ELF2: variants seen among roughly 807,000 people sequenced by gnomAD.
ELF2 encodes ETS-related transcription factor Elf-2.
Under a neutral mutation model 54.8 loss-of-function variants are expected in ELF2, and 11 were observed. The observed-to-expected ratio is 0.20, with a 90% CI of 0.13 to 0.33. The LOEUF is 0.33. Ranked by LOEUF, ELF2 falls within the 10% of genes least tolerant of loss-of-function variation. The pLI is 1.00. For synonymous variants in ELF2, 203 were observed against 245.1 expected, an observed-to-expected ratio of 0.83 and a Z score of 1.61; for missense variants, 513 against 703.0, an observed-to-expected ratio of 0.73 and a Z score of 3.06.
chr4:139,083,871 C>T (rs1003928520), intron 4 of ELF2, among the ~76,000 whole-genome samples: 6 of 152,226 alleles, frequency 3.9e-5, no homozygotes, highest in African/African-American at 1.2e-4. Flanking sequence ...AGCGCTCAGC[C>T]CGGCAGCTGC....
rs570902537 is a variant in ELF2 at position 139,153,343 on chromosome 4, G to GA, written c.-251-13847dup. Among the ~76,000 whole-genome samples the GA allele has an allele frequency of 2.8e-3, 419 of 152,242 alleles. 1 individual carries two copies. The highest frequency in any genetic ancestry group is 9.8e-3 in the African/African-American group (408 of 41,556). ...CCAGCTACTCAGGAGGCTGAGGTGGGAGGATCGCTTGAGCCTGGGAGGCAG... is the reference window on the plus strand; with the variant it reads ...CCAGCTACTCAGGAGGCTGAGGTGGGAAGGATCGCTTGAGCCTGGGAGGCAG... On this transcript the variant is annotated intron_variant, in intron 1 of 9. Coordinates refer to ENST00000686138, the MANE Select transcript of ELF2 (RefSeq NM_001331036.3).
intron 4 of ELF2, chr4:139,084,004 G>A: frequency 1.4e-6 from 2 of 1,476,814 alleles, no homozygotes; most frequent in African/African-American, 1.4e-5. Flanking sequence ...CTTTCCCCCA[G>A]CCGCCCCAGT....
intron 5 of ELF2, among the ~76,000 whole-genome samples, chr4:139,073,212 G>A (rs1156449552): frequency 6.6e-6 from 1 of 152,082 alleles, no homozygotes; most frequent in Non-Finnish European, 1.5e-5. Context: ...AGTACAAATA[G>A]CTATTTAATA....
At chr4:139,073,316 T>C in intron 5 of ELF2, 138 bp downstream of exon 5, 1 of 455,544 alleles carries the variant, frequency 2.2e-6, no homozygotes, top group Non-Finnish European at 3.9e-6. Flanking sequence ...AAAGTTCAAT[T>C]ACTGCTGTCA....
intron 4 of ELF2, among the ~76,000 whole-genome samples, chr4:139,106,401 T>C (rs1389151479): frequency 1.3e-5 from 2 of 152,252 alleles, no homozygotes; most frequent in East Asian, 1.9e-4. Context: ...AAAAGGTAGA[T>C]GACAGTTAAA....
At chr4:139,159,317 A>G (rs1416480371) in intron 1 of ELF2, among the ~76,000 whole-genome samples, 38 of 152,230 alleles carry the variant, frequency 2.5e-4, no homozygotes, top group Admixed American at 2.5e-3. Context: ...AAAGGAAATG[A>G]GACGTTTTAA....
intron 1 of ELF2, among the ~76,000 whole-genome samples, chr4:139,144,901 A>C (rs1739076846): frequency 6.6e-6 from 1 of 152,114 alleles, no homozygotes; most frequent in Non-Finnish European, 1.5e-5. Flanking sequence ...TTGACCCTCC[A>C]CCTGCCCTGG....
chr4:139,090,292 A>AG (rs1369184598), intron 4 of ELF2, among the ~76,000 whole-genome samples: 6 of 152,178 alleles, frequency 3.9e-5, no homozygotes, highest in African/African-American at 1.4e-4. Flanking sequence ...GTGGTTTGGC[A>AG]GAGTTACGAT....
At chr4:139,070,007 AT>A (rs1189587446) in intron 6 of ELF2, among the ~76,000 whole-genome samples, 26 of 146,364 alleles carry the variant, frequency 1.8e-4, no homozygotes, top group Non-Finnish European at 1.5e-4. Flanking sequence ...TACCTGGCTA[AT>A]TTTTTTTTTT....
At chr4:139,170,309 G>T (rs1349217582) in intron 1 of ELF2, among the ~76,000 whole-genome samples, 1 of 129,694 alleles carries the variant, frequency 7.7e-6, no homozygotes, top group Admixed American at 9.6e-5. Flanking sequence ...CTGTTGCCCA[G>T]GCTGGAGTGC....
chr4:139,111,478 C>A (rs1317314015), intron 4 of ELF2, among the ~76,000 whole-genome samples: 2 of 151,520 alleles, frequency 1.3e-5, no homozygotes, highest in Admixed American at 1.3e-4. Flanking sequence ...CAGGTCCATG[C>A]CACCATACCA....
Position 139,176,975 on chromosome 4 carries a change from C to G in ELF2, c.-260G>C, listed in dbSNP as rs952581094. On this transcript the variant is annotated 5_prime_UTR_variant, in exon 1 of 10. Coordinates refer to ENST00000686138, the MANE Select transcript of ELF2 (RefSeq NM_001331036.3). ...GCTGCCCGCGCTCTTACCTGCTCTCCGCGACGCCTGGGAAGACCGCGGCGT... is the reference window on the plus strand; with the variant it reads ...GCTGCCCGCGCTCTTACCTGCTCTCGGCGACGCCTGGGAAGACCGCGGCGT... 5.9e-5 allele frequency: 9 copies of G among 152,240 alleles called. No homozygotes were observed. Among genetic ancestry groups the G allele is most frequent in the Non-Finnish European group, 1.0e-4 (7 of 68,066 alleles). The allele number at this position is 152,240 out of a possible 1,614,324, so 9.4% of individuals were successfully genotyped here. A position where few individuals can be genotyped will look rare whatever the true frequency, so the allele number is the denominator to read the frequency against.
rs1300835873 is a variant in ELF2, at chr4:139,059,343, T to G, written c.1422A>C (p.Thr474=). The G allele has an allele frequency of 6.2e-7, 1 of 1,614,008 alleles. No homozygotes were observed. Among genetic ancestry groups the G allele is most frequent in the Non-Finnish European group, 8.5e-7 (1 of 1,179,872 alleles). The change falls in exon 10 of 10, where the codon ACA becomes ACC. Residue 474 remains threonine (T), a synonymous_variant. Transcript: ENST00000686138. ...TTCCTGATCCAGTCAGATTTGACTTTGTCTGCAGTTGACACTGTGCAAGCT... is the reference window on the plus strand; with the variant it reads ...TTCCTGATCCAGTCAGATTTGACTTGGTCTGCAGTTGACACTGTGCAAGCT... ...ATQLAQCQLQ[T]KSNLTGSGSI... is the part of the protein sequence containing the mutation.
intron 1 of ELF2, among the ~76,000 whole-genome samples, chr4:139,165,493 T>C (rs1373809681): frequency 6.6e-6 from 1 of 151,870 alleles, no homozygotes; most frequent in Non-Finnish European, 1.5e-5. Context: ...AGAAACCCCA[T>C]CTCTACTTAA....
At chr4:139,166,026 A>T (rs1741683592) in intron 1 of ELF2, among the ~76,000 whole-genome samples, 2 of 152,220 alleles carry the variant, frequency 1.3e-5, no homozygotes, top group Non-Finnish European at 2.9e-5. Flanking sequence ...AATCTTCATC[A>T]TTCACAGTTT....
intron 3 of ELF2, among the ~76,000 whole-genome samples, chr4:139,126,693 T>C (rs1373854676): frequency 6.6e-6 from 1 of 152,174 alleles, no homozygotes; most frequent in Non-Finnish European, 1.5e-5. Flanking sequence ...GAAAAATTAC[T>C]TCCAATCTAG....
At chr4:139,119,937 C>G (rs890657333) in intron 4 of ELF2, among the ~76,000 whole-genome samples, 1 of 152,090 alleles carries the variant, frequency 6.6e-6, no homozygotes, top group Non-Finnish European at 1.5e-5. Context: ...CCACACCCAG[C>G]TAATTTTTGT....
intron 4 of ELF2, among the ~76,000 whole-genome samples, chr4:139,109,679 G>C (rs953486815): frequency 6.6e-6 from 1 of 152,142 alleles, no homozygotes; most frequent in Non-Finnish European, 1.5e-5. Flanking sequence ...GAATGAAATC[G>C]TGTCCTTTGT....
intron 1 of ELF2, among the ~76,000 whole-genome samples, chr4:139,140,473 G>T (rs781666905): frequency 1.3e-5 from 2 of 152,268 alleles, no homozygotes; most frequent in Middle Eastern, 3.4e-3. Context: ...AGAAAAGTTG[G>T]CTGGGCAAGG....
Sources: gnomAD v4.1 joint callset for allele counts (sites outside exome capture counted in the v4.1 genomes callset) on GRCh38, gnomAD v4.1.1 for gene constraint, MANE v1.5 for transcripts, NCBI Gene and HGNC (gene_info 2026-07-23, HGNC 2026-07-21) for gene names.